The following TRIO variants were observed in gnomAD, a reference collection of about 807,000 sequenced individuals.
TRIO encodes trio Rho guanine nucleotide exchange factor, also known as triple functional domain protein.
TRIO carries 58 observed loss-of-function variants against 351.9 expected under a neutral mutation model. The ratio of observed to expected loss-of-function variants is 0.16; its 90% CI spans 0.13 to 0.21. The LOEUF (loss-of-function observed/expected upper bound fraction) is 0.21. Ranked by LOEUF, TRIO falls within the 10% of genes least tolerant of loss-of-function variation. The pLI is 1.00. For missense variants in TRIO, 3,201 were observed against 4,027.8 expected (o/e 0.79, Z 5.56); for synonymous variants, 1,758 against 1,595.7 (o/e 1.10, Z -2.42).
chr5:14,149,091 G>A (rs1342296387), intron 1 of TRIO, among the ~76,000 whole-genome samples: 4 of 152,174 alleles, frequency 2.6e-5, no homozygotes, highest in Non-Finnish European at 5.9e-5. Context: ...CCTCTGAACT[G>A]AGGGGAAGGG....
At chr5:14,434,772 T>G (rs955215128) in intron 34 of TRIO, among the ~76,000 whole-genome samples, 6 of 152,250 alleles carry the variant, frequency 3.9e-5, no homozygotes, top group African/African-American at 1.2e-4. Flanking sequence ...TTTTGCCATT[T>G]CAGTGGCAAA....
intron 7 of TRIO, among the ~76,000 whole-genome samples, chr5:14,299,132 G>A (rs999974024): frequency 2.0e-5 from 3 of 151,948 alleles, no homozygotes; most frequent in African/African-American, 7.3e-5. Context: ...TAGAAACATG[G>A]GTGTCATGGG....
chr5:14,343,755 G>T (rs1042443835), intron 11 of TRIO, among the ~76,000 whole-genome samples: 1 of 152,188 alleles, frequency 6.6e-6, no homozygotes, highest in Non-Finnish European at 1.5e-5. Context: ...CGTGAACATG[G>T]TTTTCATTTC....
At chr5:14,305,498 G>A (rs1239595528) in intron 8 of TRIO, among the ~76,000 whole-genome samples, 1 of 152,240 alleles carries the variant, frequency 6.6e-6, no homozygotes, top group Non-Finnish European at 1.5e-5. Context: ...AGTGTTCTAT[G>A]TTAATATGAA....
At chr5:14,159,321 C>CAAAAAAA (rs34735917) in intron 1 of TRIO, among the ~76,000 whole-genome samples, 3 of 140,446 alleles carry the variant, frequency 2.1e-5, no homozygotes, top group African/African-American at 5.1e-5. Flanking sequence ...AAATCGCAGT[C>CAAAAAAA]AAAAAAAAAA....
chr5:14,366,556 AAATATGGCCCAT>A (rs1280909622), intron 15 of TRIO, among the ~76,000 whole-genome samples: 1 of 152,200 alleles, frequency 6.6e-6, no homozygotes, highest in Non-Finnish European at 1.5e-5. Context: ...AGGTTTTCTA[AAATATGGCCCAT>A]AATCTGTTTT....
chr5:14,487,756 G>T lies in TRIO; in HGVS notation c.7128G>T (p.Leu2376=), dbSNP rs750519236. 7.2e-6 allele frequency: 10 copies of T among 1,387,276 alleles called. No individual in the cohort carries two copies. In the South Asian group the frequency reaches 1.6e-4, roughly 23 times the overall value. 85.9% of individuals were successfully genotyped at this position (1,387,276 alleles called of 1,614,324 possible). A position where few individuals can be genotyped will look rare whatever the true frequency, so the allele number is the denominator to read the frequency against. Residue 2376 remains leucine, a synonymous_variant, in exon 48 of 57, where the codon CTG becomes CTT. Transcript: ENST00000344204. ...GTACGTCCACCCCCGGGCCCTCCCT[G>T]CCTCCCCCTGGCGCGGCCCCCGAGG... ...MSGTSTPGPS[L]PPPGAAPEAG...
intron 1 of TRIO, among the ~76,000 whole-genome samples, chr5:14,245,933 C>A (rs979125128): frequency 6.6e-6 from 1 of 152,180 alleles, no homozygotes; most frequent in African/African-American, 2.4e-5. Context: ...TTTTTGATGT[C>A]TATTCCATTT....
intron 1 of TRIO, among the ~76,000 whole-genome samples, chr5:14,216,542 G>C (rs978987559): frequency 6.6e-6 from 1 of 152,200 alleles, no homozygotes; most frequent in Non-Finnish European, 1.5e-5. Context: ...TTGTGTCTTA[G>C]AAATAACTTG....
intron 1 of TRIO, among the ~76,000 whole-genome samples, chr5:14,144,272 C>T (rs917146591): frequency 6.6e-6 from 1 of 152,224 alleles, no homozygotes; most frequent in Non-Finnish European, 1.5e-5. Context: ...GGCGGAGGCT[C>T]TTACCCCGGA....
At position 14,508,584 on chromosome 5, in the gene TRIO, C is replaced by G. The variant is rs1286371814; in HGVS notation, c.*162C>G. 3 of 901,160 alleles carry G rather than the reference C, an allele frequency of 3.3e-6. No individual in the cohort carries two copies. Among genetic ancestry groups the G allele is most frequent in the East Asian group, 5.3e-5 (2 of 37,614 alleles). 55.8% of individuals were successfully genotyped at this position (901,160 alleles called of 1,614,324 possible). On this transcript the variant is annotated 3_prime_UTR_variant, in exon 57 of 57. Coordinates refer to ENST00000344204, the MANE Select transcript of TRIO (RefSeq NM_007118.4). ...TGCTCAGCAGTGCTTGGACACAGAG[C>G]TGCAAGCTGCGCTGGGGTGGAGGAC...
At chr5:14,172,779 T>A (rs913645752) in intron 1 of TRIO, among the ~76,000 whole-genome samples, 3 of 152,216 alleles carry the variant, frequency 2.0e-5, no homozygotes, top group Non-Finnish European at 4.4e-5. Context: ...ACGGAACATA[T>A]TTTTTGGAGG....
At chr5:14,434,794 C>A (rs554538639) in intron 34 of TRIO, among the ~76,000 whole-genome samples, 2 of 152,224 alleles carry the variant, frequency 1.3e-5, no homozygotes, top group Non-Finnish European at 2.9e-5. Context: ...GGCACAATTA[C>A]TTTTGCACCG....
At chr5:14,262,843 A>AG (rs1210934786) in intron 1 of TRIO, among the ~76,000 whole-genome samples, 1 of 152,052 alleles carries the variant, frequency 6.6e-6, no homozygotes, top group Non-Finnish European at 1.5e-5. Context: ...TTGGATGTTC[A>AG]GGGGGGCATG....
Position 14,508,430 on chromosome 5 carries a change from A to G in TRIO, c.*8A>G, listed in dbSNP as rs1757869147. 8 of 1,574,310 alleles carry G rather than the reference A, an allele frequency of 5.1e-6. No homozygotes were observed. Among genetic ancestry groups the G allele is most frequent in the Admixed American group, 1.9e-5 (1 of 53,408 alleles). On this transcript the variant is annotated 3_prime_UTR_variant, in exon 57 of 57. Transcript: ENST00000344204. ...CTTCTGCCTAGAGTTTGACCTATCC[A>G]GAAGTTCTTTCTCATTCTCTTTCAC...
Position 14,507,267 on chromosome 5 carries a change from G to A in TRIO, c.8751+7G>A. 2.5e-6 allele frequency: 4 copies of A among 1,611,154 alleles called. No homozygotes were observed. The highest frequency in any genetic ancestry group is 2.3e-4 in the Middle Eastern group (1 of 4,432). On this transcript the variant is annotated splice_region_variant and intron_variant, in intron 56 of 56. Transcript: ENST00000344204. Reference sequence around the variant, plus strand: ...AGCACACCTGGACCTAAAGGTTGGTGAGGCCCCGGGCAGGTGAAGGGGGGT... The same window carrying A: ...AGCACACCTGGACCTAAAGGTTGGTAAGGCCCCGGGCAGGTGAAGGGGGGT...
intron 1 of TRIO, among the ~76,000 whole-genome samples, chr5:14,252,481 C>CTACACATTCTACA (rs1386048984): frequency 6.6e-6 from 1 of 152,226 alleles, no homozygotes; most frequent in African/African-American, 2.4e-5. Context: ...AGGTTGAACT[C>CTACACATTCTACA]ACATTCTACA....
chr5:14,210,851 T>C (rs1292754275), intron 1 of TRIO, among the ~76,000 whole-genome samples: 1 of 152,126 alleles, frequency 6.6e-6, no homozygotes, highest in Non-Finnish European at 1.5e-5. Context: ...ATGACACATA[T>C]TCAAAAAGTC....
intron 49 of TRIO, among the ~76,000 whole-genome samples, chr5:14,494,695 T>A (rs1756745012): frequency 6.6e-6 from 1 of 152,038 alleles, no homozygotes; most frequent in African/African-American, 2.4e-5. Context: ...GGTCAGGAGT[T>A]CGAGACCAGC....
Sources: allele counts gnomAD v4.1 joint callset (sites outside exome capture counted in the v4.1 genomes callset), GRCh38; gene constraint gnomAD v4.1.1; transcripts MANE v1.5; gene names NCBI Gene and HGNC (gene_info 2026-07-23, HGNC 2026-07-21).